Variants in SLC44A3 observed in about 807,000 individuals in gnomAD.
SLC44A3 encodes the protein choline transporter-like protein 3.
SLC44A3 carries 74 observed loss-of-function variants against 75.4 expected under a neutral mutation model. The observed-to-expected ratio is 0.98, with a 90% CI of 0.81 to 1.19. The LOEUF is 1.19. SLC44A3 is among the 50% of genes most tolerant of loss of function. The pLI, the probability that SLC44A3 is intolerant of heterozygous loss-of-function variation, is 0.00. For synonymous variants in SLC44A3, 310 were observed against 296.9 expected, an observed-to-expected ratio of 1.04 and a Z score of -0.45; for missense variants, 700 against 778.6, an observed-to-expected ratio of 0.90 and a Z score of 1.20.
rs373005954 is a variant in SLC44A3, at chr1:94,828,579, C to G, written c.502C>G (p.Pro168Ala). The change falls in exon 5 of 15, where the codon CCT becomes GCT. Residue 168 changes from proline (P) to alanine (A), a missense_variant. Physicochemically the swap from Pro to Ala is conservative, Grantham distance 27. Transcript: ENST00000271227. ...ADSLCPRLPVPPSKSFPLFNR... is the reference protein window; with the variant it reads ...ADSLCPRLPVAPSKSFPLFNR... ...CTCACTGTGTCCCAGGCTACCAGTT[C>G]CTCCAAGGTAAAAGCTTCCATACTT... 17 of 1,613,592 alleles carry G rather than the reference C, an allele frequency of 1.1e-5. No individual in the cohort carries two copies. Among genetic ancestry groups the G allele is most frequent in the Non-Finnish European group, 2.5e-6 (3 of 1,179,792 alleles).
chr1:94,850,129 T>C (rs1418425992), intron 9 of SLC44A3, among the ~76,000 whole-genome samples: 1 of 152,168 alleles, frequency 6.6e-6, no homozygotes, highest in African/African-American at 2.4e-5. Flanking sequence ...TTTGCCCAGA[T>C]GGGCTATTTT....
In SLC44A3 at chr1:94,820,362, C is replaced by CA; in HGVS notation, c.-90_-89insA. ...CCAGCCCCAGCCCCAGCCCCAGCCC[C>CA]GGCCCCGGCCCCGGCTCGCGGGCGC... is the stretch of plus-strand genomic sequence containing the variant. On this transcript the variant is annotated 5_prime_UTR_variant, in exon 1 of 15. Coordinates refer to ENST00000271227, the MANE Select transcript of SLC44A3 (RefSeq NM_001114106.3). 7.6e-7 allele frequency: 1 copy of CA among 1,318,102 alleles called. No individual in the cohort carries two copies. Among genetic ancestry groups the CA allele is most frequent in the African/African-American group, 1.6e-5 (1 of 64,144 alleles). 81.7% of individuals were successfully genotyped at this position (1,318,102 alleles called of 1,614,324 possible). A position where few individuals can be genotyped will look rare whatever the true frequency, so the allele number is the denominator to read the frequency against.
chr1:94,890,268 C>T (rs554539943), intron 12 of SLC44A3, among the ~76,000 whole-genome samples: 289 of 152,018 alleles, frequency 1.9e-3, no homozygotes, highest in Non-Finnish European at 3.6e-3. Context: ...TTAAACATAC[C>T]TCTCTAAATA....
rs568675375 is a variant in SLC44A3 at position 94,850,378 on chromosome 1, G to C, written c.1072+4914G>C. 2.6e-5 allele frequency among the ~76,000 whole-genome samples: 4 copies of C among 152,292 alleles called. No homozygotes were observed. The South Asian group carries it at 8.3e-4, about 32-fold the overall frequency. On this transcript the variant is annotated intron_variant, in intron 9 of 14. Transcript: ENST00000271227. The stretch of plus-strand genomic sequence containing the variant: ...GGTTGGAAAGAGCTCAGATGACCTG[G>C]TCACCTCCAGTGTTCATTAAGGTGG...
chr1:94,831,916 G>A (rs2100982382), intron 5 of SLC44A3, among the ~76,000 whole-genome samples: 1 of 152,294 alleles, frequency 6.6e-6, no homozygotes, highest in South Asian at 2.1e-4. Flanking sequence ...GCTCACATCT[G>A]TAATCCCAGC....
chr1:94,891,541 T>G (rs1317872766), intron 13 of SLC44A3, among the ~76,000 whole-genome samples: 1 of 152,206 alleles, frequency 6.6e-6, no homozygotes, highest in Non-Finnish European at 1.5e-5. Context: ...CCATTCTGAT[T>G]CCCTCTTTTT....
chr1:94,824,416 A>G lies in SLC44A3; in HGVS notation c.136-77A>G, dbSNP rs1661022523. 2.7e-6 allele frequency: 4 copies of G among 1,473,004 alleles called. No individual in the cohort carries two copies. In the African/African-American group the frequency reaches 4.3e-5, roughly 16 times the overall value. The allele number at this position is 1,473,004 out of a possible 1,614,324, so 91.2% of individuals were successfully genotyped here. On this transcript the variant is annotated intron_variant, in intron 2 of 14. Coordinates refer to ENST00000271227, the MANE Select transcript of SLC44A3 (RefSeq NM_001114106.3). The stretch of plus-strand genomic sequence containing the variant: ...CACGTTCCACCAGGCTCCGTTTTAT[A>G]TCAGCATCTGCAGGGGTGTGGGGCA...
At chr1:94,828,697 G>T in intron 5 of SLC44A3, 111 bp downstream of exon 5, 1 of 908,734 alleles carries the variant, frequency 1.1e-6, no homozygotes, top group East Asian at 2.5e-5. Context: ...AAGAGCCCCT[G>T]CCTGCAGGGA....
At chr1:94,870,516 G>A (rs1667641598) in intron 12 of SLC44A3, among the ~76,000 whole-genome samples, 1 of 152,164 alleles carries the variant, frequency 6.6e-6, no homozygotes, top group Non-Finnish European at 1.5e-5. Flanking sequence ...TGTAATTAGG[G>A]GAAATTTCCT....
At chr1:94,860,948 C>T (rs1473581836) in intron 10 of SLC44A3, among the ~76,000 whole-genome samples, 2 of 152,204 alleles carry the variant, frequency 1.3e-5, no homozygotes, top group African/African-American at 4.8e-5. Context: ...GGAGAGATGT[C>T]ACCATGAAAA....
intron 12 of SLC44A3, among the ~76,000 whole-genome samples, chr1:94,884,011 G>T (rs1455096337): frequency 1.5e-5 from 2 of 133,434 alleles, no homozygotes; most frequent in African/African-American, 2.8e-5. Flanking sequence ...TGGCCTTCTT[G>T]CTTCTTTGTC....
At position 94,891,168 on chromosome 1, in the gene SLC44A3, C is replaced by G. The variant is rs200744014; in HGVS notation, c.1521C>G (p.Phe507Leu). The change falls in exon 13 of 15, where the codon TTC (phenylalanine) becomes TTG (leucine). Residue 507 changes from phenylalanine (F) to leucine (L), a missense_variant. By Grantham distance (22) the Phe-to-Leu change is conservative. Coordinates refer to ENST00000271227, the MANE Select transcript of SLC44A3 (RefSeq NM_001114106.3). ...YTTTAINGTD[F>L]CTSAKDAFKI... ...CAACTGCTATTAATGGGACAGATTT[C>G]TGTACATCAGCAAAAGATGCATTCA... The G allele has an allele frequency of 6.2e-7, 1 of 1,613,174 alleles. No individual in the cohort carries two copies. The highest frequency in any genetic ancestry group is 8.5e-7 in the Non-Finnish European group (1 of 1,179,536).
chr1:94,857,006 C>T (rs1167449272), intron 9 of SLC44A3, among the ~76,000 whole-genome samples: 1 of 152,178 alleles, frequency 6.6e-6, no homozygotes, highest in Non-Finnish European at 1.5e-5. Context: ...GCTGGGATTA[C>T]AGGCATGAGC....
chr1:94,848,596 G>A (rs1389648752), intron 9 of SLC44A3, among the ~76,000 whole-genome samples: 4 of 152,188 alleles, frequency 2.6e-5, no homozygotes, highest in African/African-American at 9.6e-5. Context: ...TAGACCCCAT[G>A]ATGTTTTGGA....
chr1:94,842,639 C>T (rs1178674939), intron 8 of SLC44A3, among the ~76,000 whole-genome samples: 1 of 152,220 alleles, frequency 6.6e-6, no homozygotes, highest in East Asian at 1.9e-4. Flanking sequence ...GTATTAGTTA[C>T]TGGTGGTGGG....
chr1:94,891,213 A>G lies in SLC44A3; in HGVS notation c.1566A>G (p.Ser522=). The change falls in exon 13 of 15, where the codon TCA becomes TCG. Residue 522 remains serine, a synonymous_variant. Transcript: ENST00000271227. ...CATTCAAAATCTTGTCCAAGAACTC[A>G]AGTCACTTTACATCTATTAACTGCT... The part of the protein sequence containing the change: ...KDAFKILSKN[S]SHFTSINCFG... The G allele has an allele frequency of 6.2e-7, 1 of 1,613,602 alleles. No individual in the cohort carries two copies. Among genetic ancestry groups the G allele is most frequent in the South Asian group, 1.1e-5 (1 of 91,028 alleles).
chr1:94,859,793 C>T (rs917919825), intron 10 of SLC44A3, among the ~76,000 whole-genome samples: 2 of 152,174 alleles, frequency 1.3e-5, no homozygotes, highest in African/African-American at 4.8e-5. Flanking sequence ...ACCAGCACCC[C>T]ACATTCCACA....
At chr1:94,857,809 C>CTTTTTTT in intron 10 of SLC44A3, among the ~76,000 whole-genome samples, 1 of 63,966 alleles carries the variant, frequency 1.6e-5, no homozygotes, top group Non-Finnish European at 3.0e-5. Context: ...ATGGAGTAGC[C>CTTTTTTT]TTTTTTTTTT....
chr1:94,885,879 C>T (rs986072781), intron 12 of SLC44A3, among the ~76,000 whole-genome samples: 3 of 152,170 alleles, frequency 2.0e-5, no homozygotes, highest in African/African-American at 7.2e-5. Context: ...AGAAGTTGCA[C>T]ACCTGCCTAC....
Sources: allele counts gnomAD v4.1 joint callset (sites outside exome capture counted in the v4.1 genomes callset), GRCh38; gene constraint gnomAD v4.1.1; transcripts MANE v1.5; gene names NCBI Gene and HGNC (gene_info 2026-07-23, HGNC 2026-07-21).